Variants in MAD1L1 observed in about 807,000 individuals in gnomAD.
The protein encoded by MAD1L1 is mitotic arrest deficient 1 like 1, also known as mitotic spindle assembly checkpoint protein MAD1.
A neutral mutation model predicts 96.9 loss-of-function variants in MAD1L1; 95 were observed. The ratio of observed to expected loss-of-function variants is 0.98; its 90% CI spans 0.83 to 1.16. The LOEUF is 1.16. MAD1L1 is among the 50% of genes most tolerant of loss of function. The pLI is 0.00. For missense variants in MAD1L1, 1,007 were observed against 954.4 expected (o/e 1.06, Z -0.73); for synonymous variants, 473 against 396.6 (o/e 1.19, Z -2.29).
At chr7:1,894,744 G>A (rs1786761166) in intron 18 of MAD1L1, among the ~76,000 whole-genome samples, 1 of 152,084 alleles carries the variant, frequency 6.6e-6, no homozygotes, top group Admixed American at 6.5e-5. Flanking sequence ...ACAGCTGCTA[G>A]CAGGGCACAT....
chr7:1,949,450 T>C (rs1779387124), intron 16 of MAD1L1, among the ~76,000 whole-genome samples: 1 of 152,142 alleles, frequency 6.6e-6, no homozygotes, highest in South Asian at 2.1e-4. Flanking sequence ...AAGACGTCCT[T>C]GAGAACCGAG....
intron 15 of MAD1L1, among the ~76,000 whole-genome samples, chr7:1,957,995 A>G (rs978854792): frequency 6.6e-6 from 1 of 152,224 alleles, no homozygotes; most frequent in African/African-American, 2.4e-5. Context: ...GGCTGGAAGC[A>G]CAGAGGGAAC....
In MAD1L1 at chr7:2,220,896, G is replaced by T. The variant is rs574115862; in HGVS notation, c.472-1440C>A. On this transcript the variant is annotated intron_variant, in intron 5 of 18. Transcript: ENST00000265854. ...AATTAATACGCACCGTGTGCCAGGG[G>T]CAAGGCCAGATGCAGGGCCGAGCCC... The T allele has an allele frequency of 1.7e-5, 28 of 1,611,294 alleles. No homozygotes were observed. In the African/African-American group the frequency reaches 2.3e-4, roughly 13 times the overall value.
At chr7:2,077,892 G>A (rs987460335) in intron 11 of MAD1L1, among the ~76,000 whole-genome samples, 3 of 152,202 alleles carry the variant, frequency 2.0e-5, no homozygotes, top group South Asian at 2.1e-4. Flanking sequence ...ACAGGCGCCC[G>A]TCGGGGAGCC....
chr7:2,100,616 C>G (rs189886111), intron 11 of MAD1L1, among the ~76,000 whole-genome samples: 1 of 152,266 alleles, frequency 6.6e-6, no homozygotes, highest in Non-Finnish European at 1.5e-5. Context: ...GCCCTGGCTG[C>G]AAACCGGAAG....
intron 11 of MAD1L1, among the ~76,000 whole-genome samples, chr7:2,130,010 G>A (rs1788434894): frequency 6.6e-6 from 1 of 152,236 alleles, no homozygotes; most frequent in Non-Finnish European, 1.5e-5. Flanking sequence ...GGGCAGGGAT[G>A]GGGTTAAAAG....
chr7:1,962,944 C>A (rs1780010842), intron 15 of MAD1L1, among the ~76,000 whole-genome samples: 1 of 152,072 alleles, frequency 6.6e-6, no homozygotes, highest in African/African-American at 2.4e-5. Context: ...AAGACCCTGT[C>A]TGTAAAAGAA....
chr7:2,204,451 A>G (rs1792484992), intron 10 of MAD1L1, among the ~76,000 whole-genome samples: 3 of 152,222 alleles, frequency 2.0e-5, no homozygotes, highest in Admixed American at 1.3e-4. Flanking sequence ...CTAGCACCCC[A>G]TAAGACCCCA....
chr7:2,075,213 G>A (rs1785318969), intron 11 of MAD1L1, among the ~76,000 whole-genome samples: 2 of 152,328 alleles, frequency 1.3e-5, no homozygotes, highest in African/African-American at 2.4e-5. Flanking sequence ...GGCACAAAGT[G>A]GACGGCCCCA....
intron 15 of MAD1L1, among the ~76,000 whole-genome samples, chr7:1,969,987 G>C (rs1780333404): frequency 6.6e-6 from 1 of 152,212 alleles, no homozygotes; most frequent in South Asian, 2.1e-4. Context: ...CATAGCTCCT[G>C]ACCTCAAAAT....
chr7:2,173,182 G>A (rs1169312883), intron 10 of MAD1L1, among the ~76,000 whole-genome samples: 5 of 152,288 alleles, frequency 3.3e-5, no homozygotes, highest in Non-Finnish European at 5.9e-5. Context: ...ATGTTGAAAC[G>A]GACCTCCCTT....
chr7:1,901,695 C>A (rs898773424), intron 17 of MAD1L1, among the ~76,000 whole-genome samples: 2 of 152,206 alleles, frequency 1.3e-5, no homozygotes, highest in Non-Finnish European at 1.5e-5. Flanking sequence ...GGCTTTTAGG[C>A]CCTCTCCGCT....
chr7:1,848,058 G>T (rs1562453078), intron 18 of MAD1L1: 1 of 337,938 alleles, frequency 3.0e-6, no homozygotes, highest in East Asian at 7.8e-5. Context: ...GGATGTGGTG[G>T]GACGGGGCTG....
At chr7:2,014,741 G>A (rs1190739828) in intron 12 of MAD1L1, 99 bp from the exon 13 acceptor site, 12 of 1,378,878 alleles carry the variant, frequency 8.7e-6, no homozygotes, top group Non-Finnish European at 1.2e-5. Context: ...GGTCACGCGG[G>A]GGCTCCCTCG....
intron 18 of MAD1L1, among the ~76,000 whole-genome samples, chr7:1,873,476 G>A (rs1400652790): frequency 6.6e-6 from 1 of 151,998 alleles, no homozygotes; most frequent in Non-Finnish European, 1.5e-5. Flanking sequence ...GAGCCCTGGT[G>A]GAGAGCTAGT....
At chr7:2,228,169 A>G (rs1220391492) in intron 3 of MAD1L1, among the ~76,000 whole-genome samples, 2 of 151,642 alleles carry the variant, frequency 1.3e-5, no homozygotes, top group Non-Finnish European at 2.9e-5. Context: ...GGCCTTTACC[A>G]GTGAGCACTG....
At chr7:1,889,189 G>C (rs551963044) in intron 18 of MAD1L1, among the ~76,000 whole-genome samples, 1 of 152,214 alleles carries the variant, frequency 6.6e-6, no homozygotes, top group Non-Finnish European at 1.5e-5. Context: ...TCCCGGGGCT[G>C]GCAGAGGCAA....
At chr7:2,065,815 G>C (rs1020970514) in intron 12 of MAD1L1, among the ~76,000 whole-genome samples, 74 of 152,202 alleles carry the variant, frequency 4.9e-4, no homozygotes, top group African/African-American at 1.7e-3. Flanking sequence ...GGGCGGGAGG[G>C]TGGAGTGCAG....
chr7:2,155,089 G>A (rs1584442881), intron 10 of MAD1L1, among the ~76,000 whole-genome samples: 4 of 152,144 alleles, frequency 2.6e-5, no homozygotes, highest in South Asian at 4.1e-4. Context: ...CCGCTCCTCC[G>A]GCTTGGGGCT....
Sources: allele counts gnomAD v4.1 joint callset (sites outside exome capture counted in the v4.1 genomes callset), GRCh38; gene constraint gnomAD v4.1.1; transcripts MANE v1.5; gene names NCBI Gene and HGNC (gene_info 2026-07-23, HGNC 2026-07-21).